Variants in ZMAT5 observed in about 807,000 individuals in gnomAD.
The protein encoded by ZMAT5 is zinc finger matrin-type 5, also known as zinc finger matrin-type protein 5.
A neutral mutation model predicts 28.0 loss-of-function variants in ZMAT5; 23 were observed. That is an observed-to-expected ratio of 0.82 (90% CI 0.59 to 1.16). The LOEUF is 1.16. Ranked by LOEUF, ZMAT5 falls within the 50% of genes most tolerant of loss-of-function variation. ZMAT5 has a pLI of 0.00. For synonymous variants in ZMAT5, 76 were observed against 84.1 expected, an observed-to-expected ratio of 0.90 and a Z score of 0.52; for missense variants, 173 against 212.7, an observed-to-expected ratio of 0.81 and a Z score of 1.16.
At position 29,750,859 on chromosome 22, in the gene ZMAT5, G is replaced by A. The variant is rs561943341; in HGVS notation, c.-27-2288C>T. On this transcript the variant is annotated intron_variant, in intron 1 of 5. Transcript: ENST00000344318. ...GTCCCAACAGCCAAGCAGGTTGATG[G>A]AGAAAGCCATTCTTGCAGCAGACAG... 2.6e-5 allele frequency among the ~76,000 whole-genome samples: 4 copies of A among 152,288 alleles called. No individual in the cohort carries two copies. In the South Asian group the frequency reaches 6.2e-4, roughly 24 times the overall value.
chr22:29,766,446 C>T (rs934397586), intron 1 of ZMAT5, among the ~76,000 whole-genome samples: 11 of 152,354 alleles, frequency 7.2e-5, no homozygotes, highest in South Asian at 2.1e-4. Context: ...CACCCGCCCA[C>T]TCCGTAGATT....
intron 4 of ZMAT5, 127 bp from the exon 5 acceptor site, chr22:29,738,568 GAGGA>G: frequency 1.3e-6 from 1 of 752,192 alleles, no homozygotes; most frequent in Non-Finnish European, 2.2e-6. Flanking sequence ...AACCTTCCAG[GAGGA>G]TGCACCTGGA....
intron 1 of ZMAT5, among the ~76,000 whole-genome samples, chr22:29,762,959 G>A (rs1324905670): frequency 6.6e-6 from 1 of 152,132 alleles, no homozygotes; most frequent in Non-Finnish European, 1.5e-5. Flanking sequence ...GCCAAGGTGG[G>A]AGCATCCCTT....
At position 29,731,259 on chromosome 22, in the gene ZMAT5, C is replaced by T. The variant is rs533075080; in HGVS notation, c.479G>A (p.Gly160Glu). The T allele has an allele frequency of 1.1e-5, 17 of 1,515,946 alleles. No individual in the cohort carries two copies. The South Asian group carries it at 2.2e-4, about 19-fold the overall frequency. 93.9% of individuals were successfully genotyped at this position (1,515,946 alleles called of 1,614,324 possible). ...PPSLRAPPPG[G>E]WPLQPRVQWG is the part of the protein sequence containing the mutation. Reference sequence around the variant, plus strand: ...CTGGACTCTGGGCTGCAGAGGCCACCCCCCAGGTGGGGGTGCCCGCAGGGA... The same window carrying T: ...CTGGACTCTGGGCTGCAGAGGCCACTCCCCAGGTGGGGGTGCCCGCAGGGA... The change falls in exon 6 of 6, where the codon GGG becomes GAG. Residue 160 changes from glycine (G) to glutamate (E), a missense_variant. Gly to Glu is a moderately conservative substitution (Grantham distance 98, BLOSUM62 -2). Coordinates refer to ENST00000344318, the MANE Select transcript of ZMAT5 (RefSeq NM_001003692.2).
intron 1 of ZMAT5, among the ~76,000 whole-genome samples, chr22:29,757,054 T>C (rs904109611): frequency 6.6e-6 from 1 of 151,236 alleles, no homozygotes; most frequent in Admixed American, 6.6e-5. Flanking sequence ...ATATATATTT[T>C]TTAATTAAAA....
At chr22:29,751,001 C>T (rs1315871748) in intron 1 of ZMAT5, among the ~76,000 whole-genome samples, 2 of 152,198 alleles carry the variant, frequency 1.3e-5, no homozygotes, top group African/African-American at 2.4e-5. Flanking sequence ...GTCCCAGACA[C>T]GCACACTTGA....
At chr22:29,765,420 A>G (rs2068198615) in intron 1 of ZMAT5, among the ~76,000 whole-genome samples, 1 of 151,940 alleles carries the variant, frequency 6.6e-6, no homozygotes, top group Admixed American at 6.6e-5. Context: ...GTCTCAAAAA[A>G]AAACAAAAAA....
chr22:29,735,989 G>A (rs1016758791), intron 5 of ZMAT5, among the ~76,000 whole-genome samples: 5 of 152,322 alleles, frequency 3.3e-5, no homozygotes, highest in African/African-American at 9.6e-5. Context: ...ACAGCCCCAA[G>A]AGACAGCCGG....
rs541377078 is a variant in ZMAT5, at chr22:29,763,622, T to TA, written c.-28+3249dup. 9.6e-3 allele frequency among the ~76,000 whole-genome samples: 1,438 copies of TA among 149,172 alleles called. 20 individuals are homozygous for TA. The highest frequency in any genetic ancestry group is 0.033 in the African/African-American group (1,351 of 40,496). On this transcript the variant is annotated intron_variant, in intron 1 of 5. Transcript: ENST00000344318. ...GTCTCAAACAAAATAATAATAATAATAATAAATAAATAAAAATTAGGCTGG... is the reference window on the plus strand; with the variant it reads ...GTCTCAAACAAAATAATAATAATAATAAATAAATAAATAAAAATTAGGCTGG...
At chr22:29,739,529 G>A (rs919167845) in intron 4 of ZMAT5, among the ~76,000 whole-genome samples, 3 of 152,224 alleles carry the variant, frequency 2.0e-5, no homozygotes, top group Non-Finnish European at 4.4e-5. Flanking sequence ...GTTAAGCCAC[G>A]TACCAAGGTT....
At chr22:29,754,070 A>G (rs1459029484) in intron 1 of ZMAT5, among the ~76,000 whole-genome samples, 3 of 152,008 alleles carry the variant, frequency 2.0e-5, no homozygotes, top group Non-Finnish European at 4.4e-5. Context: ...TGCAACCTGC[A>G]CCACCGTACT....
At chr22:29,737,237 A>G (rs1424930879) in intron 5 of ZMAT5, among the ~76,000 whole-genome samples, 1 of 151,354 alleles carries the variant, frequency 6.6e-6, no homozygotes, top group Non-Finnish European at 1.5e-5. Context: ...GCTGAGGCAG[A>G]AGAATCGCTT....
intron 5 of ZMAT5, among the ~76,000 whole-genome samples, chr22:29,737,048 T>C (rs1003648577): frequency 4.8e-4 from 56 of 117,640 alleles, no homozygotes; most frequent in African/African-American, 1.8e-3. Context: ...AAAAGCCGAG[T>C]GTGGTGGCTC....
In ZMAT5 at chr22:29,744,117, C is replaced by T. The variant is rs116378288; in HGVS notation, c.128-1637G>A. Among the ~76,000 whole-genome samples, 398 of 152,280 alleles carry T rather than the reference C, an allele frequency of 2.6e-3. 1 individual carries two copies. Among genetic ancestry groups the T allele is most frequent in the African/African-American group, 9.2e-3 (382 of 41,544 alleles). ...TGGAGAGTGCTTTGCAGAGGAGGCC[C>T]GTGGCTCCCAACTCTGGTGGTACAT... On this transcript the variant is annotated intron_variant, in intron 2 of 5. Transcript: ENST00000344318.
At chr22:29,750,141 G>A (rs540441853) in intron 1 of ZMAT5, among the ~76,000 whole-genome samples, 1 of 152,324 alleles carries the variant, frequency 6.6e-6, no homozygotes, top group East Asian at 1.9e-4. Context: ...ATAGTGCACA[G>A]TACAGAGTAG....
At position 29,761,506 on chromosome 22, in the gene ZMAT5, C is replaced by T. The variant is rs7285404; in HGVS notation, c.-28+5366G>A. ...GCTCAAGAGGTTGAGGTAGGAGGAT[C>T]GCTTGAGCCCAGGGAGATGGAGGCT... On this transcript the variant is annotated intron_variant, in intron 1 of 5. Transcript: ENST00000344318. Among the ~76,000 whole-genome samples the T allele has an allele frequency of 8.0e-3, 1,218 of 151,604 alleles. 17 individuals carry two copies. The highest frequency in any genetic ancestry group is 0.028 in the African/African-American group (1,141 of 41,386).
intron 1 of ZMAT5, among the ~76,000 whole-genome samples, chr22:29,750,029 A>G (rs1234435454): frequency 6.6e-6 from 1 of 152,182 alleles, no homozygotes; most frequent in Non-Finnish European, 1.5e-5. Flanking sequence ...CCTTCATGCA[A>G]TAAGTTACTT....
At chr22:29,746,207 G>C (rs1486190796) in intron 2 of ZMAT5, 1 of 151,872 alleles carries the variant, frequency 6.6e-6, no homozygotes, top group African/African-American at 2.4e-5. Context: ...GGAGTACAGT[G>C]GTGTGATCTC....
chr22:29,731,599 C>T, intron 5 of ZMAT5: 1 of 472,674 alleles, frequency 2.1e-6, no homozygotes, highest in South Asian at 2.8e-5. Flanking sequence ...TGGGAATAAC[C>T]TTCGTGTCCA....
Sources: gnomAD v4.1 joint callset for allele counts (sites outside exome capture counted in the v4.1 genomes callset) on GRCh38, gnomAD v4.1.1 for gene constraint, MANE v1.5 for transcripts, NCBI Gene and HGNC (gene_info 2026-07-23, HGNC 2026-07-21) for gene names.